NPAS2: variants seen among roughly 807,000 people sequenced by gnomAD.
NPAS2 encodes the protein neuronal PAS domain protein 2, also known as neuronal PAS domain-containing protein 2.
In NPAS2, 23 loss-of-function variants were observed where a neutral mutation model predicts 107.5. That is an observed-to-expected ratio of 0.21 (90% CI 0.15 to 0.30). The LOEUF (loss-of-function observed/expected upper bound fraction) is 0.30, where lower values mean the gene tolerates loss of function less well. NPAS2 is among the 10% of genes least tolerant of loss of function. NPAS2 has a pLI of 1.00. For missense variants in NPAS2, 756 were observed against 1,043.3 expected, an observed-to-expected ratio of 0.72 and a Z score of 3.79; for synonymous variants, 403 against 417.5, an observed-to-expected ratio of 0.97 and a Z score of 0.42.
chr2:100,907,154 C>T (rs1255190096), intron 2 of NPAS2, among the ~76,000 whole-genome samples: 2 of 152,094 alleles, frequency 1.3e-5, no homozygotes, highest in Non-Finnish European at 2.9e-5. Context: ...CCGCTTACCT[C>T]TAAATCAGGA....
chr2:100,861,616 A>G (rs1426635253), intron 1 of NPAS2, among the ~76,000 whole-genome samples: 1 of 152,132 alleles, frequency 6.6e-6, no homozygotes, highest in Non-Finnish European at 1.5e-5. Context: ...CACAGGAAGG[A>G]GGCCTGGGCT....
At chr2:100,927,007 A>C (rs1403402288) in intron 3 of NPAS2, among the ~76,000 whole-genome samples, 1 of 135,032 alleles carries the variant, frequency 7.4e-6, no homozygotes, top group Non-Finnish European at 1.5e-5. Flanking sequence ...GGCGTGATCT[A>C]GGCTCACTGC....
intron 1 of NPAS2, among the ~76,000 whole-genome samples, chr2:100,859,227 C>T (rs1678781780): frequency 1.3e-5 from 2 of 152,290 alleles, no homozygotes; most frequent in African/African-American, 2.4e-5. Flanking sequence ...CATGCTACTG[C>T]GCTCCAGCCT....
upstream of NPAS2, among the ~76,000 whole-genome samples, chr2:100,819,828 C>T (rs950151784): frequency 6.6e-6 from 1 of 152,094 alleles, no homozygotes; most frequent in South Asian, 2.1e-4. This position sits in a 1 kb window ranked among gnomAD's most constrained non-coding sequence, Gnocchi z 5.8. Flanking sequence ...CAACCCCGAC[C>T]CTGCGCCCCA....
At chr2:100,943,841 C>T (rs1173168042) in intron 5 of NPAS2, among the ~76,000 whole-genome samples, 1 of 152,152 alleles carries the variant, frequency 6.6e-6, no homozygotes, top group East Asian at 1.9e-4. Flanking sequence ...CATTTGAGGC[C>T]CTTCCAATTT....
chr2:100,858,954 G>A (rs1573482584), intron 1 of NPAS2, among the ~76,000 whole-genome samples: 1 of 152,132 alleles, frequency 6.6e-6, no homozygotes, highest in East Asian at 1.9e-4. Context: ...ATAAGTTGTT[G>A]GAGTAAAATA....
At position 100,905,929 on chromosome 2, in the gene NPAS2, C is replaced by T. The variant is rs1357222386; in HGVS notation, c.32+1143C>T. On this transcript the variant is annotated intron_variant, in intron 2 of 20. Coordinates refer to ENST00000335681, the MANE Select transcript of NPAS2 (RefSeq NM_002518.4). The stretch of plus-strand genomic sequence containing the variant: ...CCTGGCCACCCCCAGACCTGCCAGA[C>T]CTGAGTCTGCAAGGCATAAGGGGAG... 2.0e-5 allele frequency among the ~76,000 whole-genome samples: 3 copies of T among 152,246 alleles called. No homozygotes were observed. The East Asian group carries it at 5.8e-4, about 29-fold the overall frequency.
chr2:100,881,301 G>A (rs1230601911), intron 1 of NPAS2, among the ~76,000 whole-genome samples: 5 of 152,216 alleles, frequency 3.3e-5, no homozygotes, highest in African/African-American at 1.2e-4. Flanking sequence ...AGCTGGCTGG[G>A]AATGCAGCGT....
At chr2:100,859,504 G>T (rs1365507890) in intron 1 of NPAS2, among the ~76,000 whole-genome samples, 1 of 152,132 alleles carries the variant, frequency 6.6e-6, no homozygotes, top group Admixed American at 6.5e-5. Flanking sequence ...TGGGGAGTTC[G>T]GTCCAGTCTA....
intron 5 of NPAS2, among the ~76,000 whole-genome samples, chr2:100,939,553 C>G (rs1381755824): frequency 1.3e-5 from 2 of 152,116 alleles, no homozygotes; most frequent in Admixed American, 1.3e-4. Context: ...CTGGGCTGAT[C>G]TGAGGGTGTC....
At chr2:100,893,986 CCT>C (rs1337393807) in intron 1 of NPAS2, among the ~76,000 whole-genome samples, 5 of 152,138 alleles carry the variant, frequency 3.3e-5, no homozygotes, top group Non-Finnish European at 7.3e-5. Context: ...GCTGCTAGTC[CCT>C]GGGGGAGACT....
chr2:100,860,763 G>A lies in NPAS2; in HGVS notation c.-23+40349G>A, dbSNP rs189998798. 7.2e-5 allele frequency among the ~76,000 whole-genome samples: 11 copies of A among 152,272 alleles called. No homozygotes were observed. The East Asian group carries it at 1.9e-3, about 27-fold the overall frequency. On this transcript the variant is annotated intron_variant, in intron 1 of 20. Coordinates refer to ENST00000335681, the MANE Select transcript of NPAS2 (RefSeq NM_002518.4). ...ATTTGGCTGGGGAGAGCTCTTTCCA[G>A]CTGGCTTCTGACGTGTCCGCATCAT...
intron 16 of NPAS2, chr2:100,986,143 A>G (rs905999132): frequency 1.3e-5 from 2 of 152,196 alleles, no homozygotes; most frequent in African/African-American, 4.8e-5. Flanking sequence ...CTTAATTTCT[A>G]AAGTGACAAG....
At chr2:100,846,320 G>A (rs370105146) in intron 1 of NPAS2, among the ~76,000 whole-genome samples, 35 of 152,280 alleles carry the variant, frequency 2.3e-4, no homozygotes, top group African/African-American at 6.3e-4. Flanking sequence ...CATAAAATGC[G>A]CTTAAAGTAT....
chr2:100,871,498 T>C (rs1045440317), intron 1 of NPAS2, among the ~76,000 whole-genome samples: 1 of 152,088 alleles, frequency 6.6e-6, no homozygotes. Flanking sequence ...GCTTGGCTAA[T>C]TTTTGTATTT....
chr2:100,903,682 A>G (rs1681943390), intron 1 of NPAS2, among the ~76,000 whole-genome samples: 1 of 152,154 alleles, frequency 6.6e-6, no homozygotes, highest in Non-Finnish European at 1.5e-5. Context: ...CAGCTTCTCC[A>G]TGGTCCCCAC....
chr2:100,907,661 G>C (rs1682252023), intron 2 of NPAS2, among the ~76,000 whole-genome samples: 2 of 152,104 alleles, frequency 1.3e-5, no homozygotes, highest in South Asian at 4.2e-4. Context: ...TGTTTAACTT[G>C]AGATCAAAAC....
intron 19 of NPAS2, among the ~76,000 whole-genome samples, chr2:100,992,706 T>C (rs1415712407): frequency 6.6e-6 from 1 of 152,216 alleles, no homozygotes; most frequent in Non-Finnish European, 1.5e-5. Context: ...TTTTCATGTG[T>C]GTGTTGGCCA....
intron 2 of NPAS2, among the ~76,000 whole-genome samples, chr2:100,912,010 A>T (rs572090351): frequency 6.6e-6 from 1 of 152,162 alleles, no homozygotes; most frequent in Non-Finnish European, 1.5e-5. Context: ...TCTTTAGGAA[A>T]GTTCACCTTT....
Sources: allele counts gnomAD v4.1 joint callset (sites outside exome capture counted in the v4.1 genomes callset), GRCh38; gene constraint gnomAD v4.1.1; non-coding constraint Gnocchi (gnomAD v3.1); transcripts MANE v1.5; gene names NCBI Gene and HGNC (gene_info 2026-07-23, HGNC 2026-07-21).